The following NBPF10 variants were observed in gnomAD, a reference collection of about 807,000 sequenced individuals.
NBPF10 encodes the protein NBPF member 10.
In NBPF10, 63 loss-of-function variants were observed where a neutral mutation model predicts 77.9. The observed-to-expected ratio is 0.81, with a 90% CI of 0.66 to 1.00. The LOEUF (loss-of-function observed/expected upper bound fraction) is 1.00. Among genes scored for constraint, NBPF10 ranks in the 50% least tolerant of loss-of-function variants. The pLI is 0.00. For synonymous variants in NBPF10, 146 were observed against 264.5 expected, an observed-to-expected ratio of 0.55 and a Z score of 4.35; for missense variants, 522 against 679.8, an observed-to-expected ratio of 0.77 and a Z score of 2.58.
chr1:146,127,950 G>T (rs1490575869), intron 12 of NBPF10, among the ~76,000 whole-genome samples, 169 bp downstream of exon 12: 2 of 150,224 alleles, frequency 1.3e-5, no homozygotes, highest in South Asian at 2.1e-4. Context: ...CCCACCCCAT[G>T]CCTGTGCTTC....
At chr1:146,070,190 A>C (rs1655692113) in intron 85 of NBPF10, 134 bp downstream of exon 85, 1 of 247,252 alleles carries the variant, frequency 4.0e-6, no homozygotes, top group Non-Finnish European at 7.0e-6. Flanking sequence ...ACTGCAATGA[A>C]AACCAACAGC....
At chr1:146,141,783 T>G in exon 3 of NBPF10, 1 of 1,342,758 alleles carries the variant, frequency 7.4e-7, no homozygotes, top group Non-Finnish European at 1.0e-6. Flanking sequence ...CTGGGTCAGC[T>G]CTCGTTCCTG....
At chr1:146,080,935 C>A (rs1656232087) in intron 71 of NBPF10, among the ~76,000 whole-genome samples, 158 bp from the exon 72 acceptor site, 14 of 43,364 alleles carry the variant, frequency 3.2e-4, no homozygotes, top group African/African-American at 6.4e-4. Context: ...TGGGACAGAA[C>A]AGGGCCAAAT....
At chr1:146,139,092 CTTTTTTTTTTTTTTTT>C (rs782186835) in intron 5 of NBPF10, among the ~76,000 whole-genome samples, 1 of 82,438 alleles carries the variant, frequency 1.2e-5, no homozygotes, top group Non-Finnish European at 2.4e-5. Context: ...CAGAGACTTA[CTTTTTTTTTTTTTTTT>C]TTTTTTTTTG....
Position 146,122,508 on chromosome 1 carries a change from T to C in NBPF10, c.2477-117A>G. The stretch of plus-strand genomic sequence containing the variant: ...GCTCCTCAGCATAAGAATAGGACAC[T>C]GTGAGAGATATATTTCAGGAGGCCT... On this transcript the variant is annotated intron_variant, in intron 18 of 89. Coordinates refer to ENST00000583866, the Ensembl canonical transcript of NBPF10. 3 of 54,900 alleles carry C rather than the reference T, an allele frequency of 5.5e-5. 1 individual carries two copies. Among genetic ancestry groups the C allele is most frequent in the South Asian group, 1.2e-4 (1 of 8,576 alleles). 3.4% of individuals were successfully genotyped at this position (54,900 alleles called of 1,614,324 possible).
At chr1:146,109,345 C>CAGAGAG (rs782284106) in intron 35 of NBPF10, among the ~76,000 whole-genome samples, 2 of 63,542 alleles carry the variant, frequency 3.1e-5, no homozygotes, top group Admixed American at 1.9e-4. Flanking sequence ...CACACACACA[C>CAGAGAG]AGAGAGAGAG....
At chr1:146,084,073 A>T (rs1235636835) in intron 67 of NBPF10, among the ~76,000 whole-genome samples, 164 bp from the exon 68 acceptor site, 1 of 148,822 alleles carries the variant, frequency 6.7e-6, no homozygotes, top group Non-Finnish European at 1.5e-5. Context: ...GAACAGGGCC[A>T]GGTAGAAAAC....
Position 146,128,997 on chromosome 1 carries a change from C to T in NBPF10, c.1638-715G>A, listed in dbSNP as rs1469492226. ...CAAAACCCCATCTGTAGGTCGCCAT[C>T]ATCAAAGACCAAGGGTAGATAAAAC... On this transcript the variant is annotated intron_variant, in intron 11 of 89. Transcript: ENST00000583866. 4.6e-5 allele frequency among the ~76,000 whole-genome samples: 7 copies of T among 151,502 alleles called. 1 individual carries two copies. Among genetic ancestry groups the T allele is most frequent in the African/African-American group, 1.5e-4 (6 of 40,996 alleles).
chr1:146,125,635 T>A, intron 14 of NBPF10, 119 bp from the exon 15 acceptor site: 1 of 523,054 alleles, frequency 1.9e-6, no homozygotes, highest in Non-Finnish European at 3.4e-6. Context: ...TAGGACACTG[T>A]GAGAGATATT....
At chr1:146,126,545 G>C (rs1658691864) in intron 13 of NBPF10, 137 bp from the exon 14 acceptor site, 1 of 709,240 alleles carries the variant, frequency 1.4e-6, no homozygotes, top group Admixed American at 2.0e-5. Context: ...ACAAATTATT[G>C]CCTTTATGTT....
At chr1:146,129,351 C>A (rs1351998738) in intron 11 of NBPF10, among the ~76,000 whole-genome samples, 6 of 144,116 alleles carry the variant, frequency 4.2e-5, no homozygotes, top group Admixed American at 7.0e-5. Flanking sequence ...GATGCATGCA[C>A]AAGCTTCAGT....
At position 146,126,486 on chromosome 1, in the gene NBPF10, A is replaced by C. The variant is rs587722488; in HGVS notation, c.1854-78T>G. Reference sequence around the variant, plus strand: ...CAGCCCCAGCTAGATTTCATGGCTAACATAAGGAAGAGTTTGAAAAGAAAA... The same window carrying C: ...CAGCCCCAGCTAGATTTCATGGCTACCATAAGGAAGAGTTTGAAAAGAAAA... On this transcript the variant is annotated intron_variant, in intron 13 of 89. Coordinates refer to ENST00000583866, the Ensembl canonical transcript of NBPF10. The C allele has an allele frequency of 2.8e-3, 2,081 of 732,374 alleles. 55 individuals are homozygous for C. The African/African-American group carries it at 0.033, about 11-fold the overall frequency. 45.4% of individuals were successfully genotyped at this position (732,374 alleles called of 1,614,324 possible).
At chr1:146,068,118 A>T in exon 88 of NBPF10, 2 of 504,536 alleles carry the variant, frequency 4.0e-6, no homozygotes, top group South Asian at 4.0e-5. Flanking sequence ...AATAACATCT[A>T]TCCAGTGAGT....
intron 11 of NBPF10, among the ~76,000 whole-genome samples, chr1:146,129,890 T>C (rs1659114354): frequency 1.0e-5 from 1 of 99,004 alleles, no homozygotes; most frequent in African/African-American, 4.9e-5. Context: ...ATTTTTTGTG[T>C]GTATGTATAT....
intron 89 of NBPF10, 45 bp downstream of exon 89, chr1:146,067,135 C>A: frequency 3.2e-6 from 2 of 629,382 alleles, no homozygotes; most frequent in Non-Finnish European, 5.9e-6. Flanking sequence ...CTGTTGCCTC[C>A]AGGTGTTAAC....
exon 3 of NBPF10, chr1:146,141,686 G>T (rs200499581): frequency 8.1e-7 from 1 of 1,237,236 alleles, no homozygotes. Context: ...CCTGGGACTT[G>T]TCCGGCTCAT....
intron 19 of NBPF10, among the ~76,000 whole-genome samples, chr1:146,122,019 TC>T (rs1658238130): frequency 1.1e-5 from 1 of 92,004 alleles, no homozygotes; most frequent in African/African-American, 4.2e-5. Context: ...TCAATAGTTT[TC>T]CATAAAATAT....
intron 14 of NBPF10, among the ~76,000 whole-genome samples, chr1:146,125,757 A>T (rs1553789625): frequency 7.1e-6 from 1 of 141,488 alleles, no homozygotes; most frequent in Non-Finnish European, 1.5e-5. Context: ...CATTTGTCCC[A>T]AGTTTGTGCA....
chr1:146,069,567 C>G, exon 86 of NBPF10: 1 of 1,169,386 alleles, frequency 8.6e-7, no homozygotes, highest in Non-Finnish European at 1.2e-6. Context: ...GCCAAGCCAA[C>G]ACGCTGTTGC....
Sources: allele counts gnomAD v4.1 joint callset (sites outside exome capture counted in the v4.1 genomes callset), GRCh38; gene constraint gnomAD v4.1.1; transcripts MANE v1.5; gene names NCBI Gene and HGNC (gene_info 2026-07-23, HGNC 2026-07-21).